Variants in MYT1L observed in about 807,000 individuals in gnomAD.
MYT1L encodes myelin transcription factor 1-like protein.
In MYT1L, 12 loss-of-function variants were observed where a neutral mutation model predicts 126.7. That is an observed-to-expected ratio of 0.09 (90% confidence interval 0.06 to 0.15). The LOEUF is 0.15. MYT1L is among the 10% of genes least tolerant of loss of function. MYT1L has a pLI of 1.00. For missense variants in MYT1L, 979 were observed against 1,585.2 expected, an observed-to-expected ratio of 0.62 and a Z score of 6.49; for synonymous variants, 541 against 604.2, an observed-to-expected ratio of 0.90 and a Z score of 1.53.
rs761086127 is a variant in MYT1L, at chr2:1,839,232, C to T, written c.2997G>A (p.Ser999=). 46 of 1,613,604 alleles carry T rather than the reference C, an allele frequency of 2.9e-5. No individual in the cohort carries two copies. Among genetic ancestry groups the T allele is most frequent in the Admixed American group, 1.7e-4 (10 of 60,016 alleles). Residue 999 remains serine (S), a synonymous_variant, in exon 21 of 25, where the codon TCG becomes TCA. Coordinates refer to ENST00000647738, the MANE Select transcript of MYT1L (RefSeq NM_001303052.2). ...YLNGSQFSWK[S]VKTEGMSCPT... ...GGCAGGACATGCCTTCCGTCTTGAC[C>T]GACTTCCAGGAGAACTGGGAGCCAT...
intron 13 of MYT1L, among the ~76,000 whole-genome samples, chr2:1,908,170 A>G (rs1217323352): frequency 6.6e-6 from 1 of 152,228 alleles, no homozygotes; most frequent in African/African-American, 2.4e-5. Flanking sequence ...CTTTGCACCA[A>G]TCCAGAAACA....
intron 2 of MYT1L, among the ~76,000 whole-genome samples, chr2:2,265,651 G>T (rs1165708744): frequency 6.6e-6 from 1 of 152,110 alleles, no homozygotes; most frequent in Non-Finnish European, 1.5e-5. Context: ...CCTTGAGGTT[G>T]TGACCGTGAG....
At chr2:2,107,875 A>G (rs1348361978) in intron 3 of MYT1L, among the ~76,000 whole-genome samples, 1 of 152,166 alleles carries the variant, frequency 6.6e-6, no homozygotes, top group African/African-American at 2.4e-5. Context: ...TACCCCAGAG[A>G]CGCAGTTGCT....
chr2:2,228,736 A>T lies in MYT1L; in HGVS notation c.-421+55668T>A, dbSNP rs1281576575. Among the ~76,000 whole-genome samples, 2 of 152,164 alleles carry T rather than the reference A, an allele frequency of 1.3e-5. No individual in the cohort carries two copies. Among genetic ancestry groups the T allele is most frequent in the Non-Finnish European group, 2.9e-5 (2 of 68,030 alleles). On this transcript the variant is annotated intron_variant, in intron 2 of 24. Coordinates refer to ENST00000647738, the MANE Select transcript of MYT1L (RefSeq NM_001303052.2). This position sits in a 1 kb window ranked among gnomAD's most constrained non-coding sequence, Gnocchi z 5.9. The stretch of plus-strand genomic sequence containing the variant: ...TATTACAGAGAAGAGCTATAAATAC[A>T]CTATTTCATGTTCCCCCAAACACCT...
At chr2:1,947,749 AAG>A (rs775937918) in intron 8 of MYT1L, among the ~76,000 whole-genome samples, 84 of 152,378 alleles carry the variant, frequency 5.5e-4, no homozygotes, top group South Asian at 5.4e-3. Flanking sequence ...ATAGTTGATC[AAG>A]ATAGTTGGAG....
At chr2:2,097,089 C>A (rs2077530619) in intron 3 of MYT1L, among the ~76,000 whole-genome samples, 1 of 152,172 alleles carries the variant, frequency 6.6e-6, no homozygotes, top group South Asian at 2.1e-4. Flanking sequence ...CTCCCCCAGC[C>A]TCCCTCCCCA....
chr2:2,269,988 C>G (rs766593218), intron 2 of MYT1L, among the ~76,000 whole-genome samples: 1 of 152,182 alleles, frequency 6.6e-6, no homozygotes, highest in Non-Finnish European at 1.5e-5. Flanking sequence ...GTTTGTGTCT[C>G]TCCACAATTC....
rs1182041676 is a variant in MYT1L at position 1,887,378 on chromosome 2, C to T, written c.2642+110G>A. Reference sequence around the variant, plus strand: ...AGCAGTCGGAAACATTTATATGCTGCGAATGTCGCATGCTCAAACGGCAAG... The same window carrying T: ...AGCAGTCGGAAACATTTATATGCTGTGAATGTCGCATGCTCAAACGGCAAG... On this transcript the variant is annotated intron_variant, in intron 17 of 24. Transcript: ENST00000647738. The surrounding 1 kb of genome is among the most constrained non-coding windows in gnomAD (Gnocchi z 4.8). 35 of 1,412,410 alleles carry T rather than the reference C, an allele frequency of 2.5e-5. No homozygotes were observed. The highest frequency in any genetic ancestry group is 1.4e-4 in the Admixed American group (8 of 55,900). 87.5% of individuals were successfully genotyped at this position (1,412,410 alleles called of 1,614,324 possible).
chr2:2,280,436 G>A (rs1157263573), intron 2 of MYT1L, among the ~76,000 whole-genome samples: 1 of 152,212 alleles, frequency 6.6e-6, no homozygotes, highest in Non-Finnish European at 1.5e-5. Flanking sequence ...AAATTTGGAA[G>A]AGTAAAGGTG....
chr2:2,257,089 T>C (rs1043887414), intron 2 of MYT1L, among the ~76,000 whole-genome samples: 5 of 152,120 alleles, frequency 3.3e-5, no homozygotes, highest in African/African-American at 1.2e-4. Flanking sequence ...TTCTGTGGAA[T>C]TGGAATGGGG....
intron 3 of MYT1L, among the ~76,000 whole-genome samples, chr2:2,086,219 C>T (rs570374669): frequency 2.0e-5 from 3 of 152,190 alleles, no homozygotes; most frequent in Admixed American, 6.5e-5. Context: ...GGAAGAGATG[C>T]GCTAAATAAT....
At chr2:2,296,643 ACT>A (rs1020431699) in intron 1 of MYT1L, among the ~76,000 whole-genome samples, 13 of 151,928 alleles carry the variant, frequency 8.6e-5, no homozygotes, top group African/African-American at 2.9e-4. Context: ...GGCGTGTGGG[ACT>A]CTGTCTGTGG....
chr2:2,053,251 G>C (rs887872497), intron 4 of MYT1L, among the ~76,000 whole-genome samples: 3 of 152,216 alleles, frequency 2.0e-5, no homozygotes, highest in Non-Finnish European at 4.4e-5. Context: ...GACCCAGAGA[G>C]TGTGGGGGAG....
Position 1,952,933 on chromosome 2 carries a change from TCCTTC to T in MYT1L, c.153-9604_153-9600del, listed in dbSNP as rs1265500726. Reference sequence around the variant, plus strand: ...CTCTCCCTTCCTTCCCTTCCCTCCTTCCTTCCCTTCCCTCCTTCCTCCCTCCCTCC... The same window carrying T: ...CTCTCCCTTCCTTCCCTTCCCTCCTTCCTTCCCTCCTTCCTCCCTCCCTCC... On this transcript the variant is annotated intron_variant, in intron 8 of 24. Coordinates refer to ENST00000647738, the MANE Select transcript of MYT1L (RefSeq NM_001303052.2). 5.4e-5 allele frequency among the ~76,000 whole-genome samples: 6 copies of T among 110,186 alleles called. No individual in the cohort carries two copies. In the East Asian group the frequency reaches 1.6e-3, roughly 30 times the overall value. 72.3% of individuals were successfully genotyped at this position (110,186 alleles called of 152,430 possible).
intron 18 of MYT1L, among the ~76,000 whole-genome samples, chr2:1,853,463 A>AGT (rs1177728235): frequency 8.4e-6 from 1 of 119,730 alleles, no homozygotes; most frequent in Non-Finnish European, 2.0e-5. Context: ...TTGTCTAAAA[A>AGT]ATAAATGACT....
At chr2:2,270,640 T>G (rs1161010808) in intron 2 of MYT1L, among the ~76,000 whole-genome samples, 1 of 152,102 alleles carries the variant, frequency 6.6e-6, no homozygotes, top group Non-Finnish European at 1.5e-5. Context: ...ATCTCCCTAA[T>G]TGGTACTCAA....
intron 18 of MYT1L, among the ~76,000 whole-genome samples, chr2:1,879,052 T>C (rs11680464): frequency 1.2e-4 from 19 of 152,106 alleles, no homozygotes; most frequent in African/African-American, 4.6e-4. Flanking sequence ...ACAGATCACA[T>C]GTAAGAGAGA....
In MYT1L at chr2:1,793,700, C is replaced by T. The variant is rs113327671; in HGVS notation, c.3277-1236G>A. ...TTCTCCTTGGAAGGAATCGCAGCCC[C>T]CACCATTCCTGCAGGGACGGTCCCC... On this transcript the variant is annotated intron_variant, in intron 23 of 24. Transcript: ENST00000647738. The surrounding 1 kb of genome is among the most constrained non-coding windows in gnomAD (Gnocchi z 4.6). Among the ~76,000 whole-genome samples, 9 of 152,302 alleles carry T rather than the reference C, an allele frequency of 5.9e-5. No individual in the cohort carries two copies. The highest frequency in any genetic ancestry group is 2.2e-4 in the African/African-American group (9 of 41,582).
intron 8 of MYT1L, among the ~76,000 whole-genome samples, chr2:1,955,731 T>C (rs896452678): frequency 1.3e-5 from 2 of 152,250 alleles, no homozygotes; most frequent in Admixed American, 6.5e-5. Flanking sequence ...TGTCTGCACT[T>C]TTTTGTTGAA....
Sources: gnomAD v4.1 joint callset for allele counts (sites outside exome capture counted in the v4.1 genomes callset) on GRCh38, gnomAD v4.1.1 for gene constraint, Gnocchi (gnomAD v3.1) non-coding constraint, MANE v1.5 for transcripts, NCBI Gene and HGNC (gene_info 2026-07-23, HGNC 2026-07-21) for gene names.